DNAH6: variants seen among roughly 807,000 people sequenced by gnomAD.
The protein encoded by DNAH6 is axonemal beta dynein heavy chain 6.
In DNAH6, 340 loss-of-function variants were observed where a neutral mutation model predicts 491.4. That is an observed-to-expected ratio of 0.69 (90% confidence interval 0.63 to 0.76). The LOEUF (loss-of-function observed/expected upper bound fraction) is 0.76, where lower values mean the gene tolerates loss of function less well. Among genes scored for constraint, DNAH6 ranks in the 30% least tolerant of loss-of-function variants. DNAH6 has a pLI of 0.00. For synonymous variants in DNAH6, 1,603 were observed against 1,686.1 expected, an observed-to-expected ratio of 0.95 and a Z score of 1.21; for missense variants, 4,443 against 4,972.2, an observed-to-expected ratio of 0.89 and a Z score of 3.20.
chr2:84,552,359 A>C (rs769606207), intron 9 of DNAH6, among the ~76,000 whole-genome samples: 28 of 152,170 alleles, frequency 1.8e-4, no homozygotes, highest in Non-Finnish European at 3.1e-4. Context: ...TTGGTGTGGA[A>C]ATTACACAAA....
chr2:84,663,110 G>A (rs1366532293), intron 37 of DNAH6, among the ~76,000 whole-genome samples: 1 of 152,090 alleles, frequency 6.6e-6, no homozygotes, highest in Admixed American at 6.5e-5. Flanking sequence ...AAAGACCAAA[G>A]GTAGATAAAA....
At chr2:84,591,605 C>A (rs1225187799) in intron 16 of DNAH6, among the ~76,000 whole-genome samples, 1 of 152,128 alleles carries the variant, frequency 6.6e-6, no homozygotes, top group Non-Finnish European at 1.5e-5. Context: ...ATATTAAAAA[C>A]AAATTCTAAA....
At chr2:84,670,262 A>G (rs1573430013) in intron 38 of DNAH6, 66 bp from the exon 39 acceptor site, 1 of 1,144,112 alleles carries the variant, frequency 8.7e-7, no homozygotes, top group Admixed American at 2.8e-5. Context: ...ATTGTGCCAA[A>G]CTATTACAGA....
intron 40 of DNAH6, among the ~76,000 whole-genome samples, chr2:84,673,564 T>A (rs1343761306): frequency 6.6e-6 from 1 of 152,218 alleles, no homozygotes; most frequent in East Asian, 1.9e-4. Flanking sequence ...AGGGAGTTTA[T>A]TAAGTATTAA....
chr2:84,813,541 T>C (rs2105342671), intron 74 of DNAH6, among the ~76,000 whole-genome samples: 1 of 152,310 alleles, frequency 6.6e-6, no homozygotes, highest in Non-Finnish European at 1.5e-5. Context: ...CTAGAGAGCC[T>C]CAGAGGGGGC....
chr2:84,493,160 G>A, the DNAH6 span, among the ~76,000 whole-genome samples: 2 of 152,126 alleles, frequency 1.3e-5, no homozygotes, highest in Non-Finnish European at 2.9e-5. Flanking sequence ...AACACAGGTA[G>A]AAGTCTGGAT....
intron 16 of DNAH6, among the ~76,000 whole-genome samples, chr2:84,593,230 C>A (rs1274764256): frequency 1.3e-5 from 2 of 152,190 alleles, no homozygotes; most frequent in African/African-American, 2.4e-5. Flanking sequence ...TGTCTCTGAT[C>A]TAGCCTTCCT....
At chr2:84,499,933 C>T in the DNAH6 span, among the ~76,000 whole-genome samples, 2 of 150,610 alleles carry the variant, frequency 1.3e-5, no homozygotes, top group South Asian at 2.1e-4. Context: ...TTATATATTC[C>T]GGTTAGTAAT....
chr2:84,768,515 A>G (rs78169976), intron 64 of DNAH6, among the ~76,000 whole-genome samples: 3,823 of 152,164 alleles, frequency 0.025, 57 homozygotes, highest in Middle Eastern at 0.086. Flanking sequence ...AAAATTGATA[A>G]GCATAAATAG....
intron 59 of DNAH6, among the ~76,000 whole-genome samples, chr2:84,721,804 A>C (rs1299678355): frequency 6.6e-6 from 1 of 152,236 alleles, no homozygotes; most frequent in Non-Finnish European, 1.5e-5. Flanking sequence ...AATACTGAGC[A>C]GTCAGTTCCC....
intron 18 of DNAH6, among the ~76,000 whole-genome samples, chr2:84,601,493 G>C (rs1180255946): frequency 1.3e-5 from 2 of 151,922 alleles, no homozygotes; most frequent in East Asian, 3.9e-4. Context: ...AAGATTCCTT[G>C]TTCTAACATT....
At chr2:84,715,825 G>A (rs529092315) in intron 58 of DNAH6, among the ~76,000 whole-genome samples, 198 bp downstream of exon 58, 30 of 152,126 alleles carry the variant, frequency 2.0e-4, no homozygotes, top group African/African-American at 7.2e-4. Context: ...CTTGTCTACC[G>A]TCTTCTCAAG....
At chr2:84,489,530 C>T in the DNAH6 span, among the ~76,000 whole-genome samples, 1 of 152,264 alleles carries the variant, frequency 6.6e-6, no homozygotes, top group African/African-American at 2.4e-5. Flanking sequence ...CAAGCGATAT[C>T]TTCACATACT....
At chr2:84,528,652 AGAG>A (rs140055073) in intron 3 of DNAH6, among the ~76,000 whole-genome samples, 3,662 of 152,208 alleles carry the variant, frequency 0.024, 68 homozygotes, top group Middle Eastern at 0.037. Flanking sequence ...GAGTTAAAGG[AGAG>A]GAGAAGGCAA....
chr2:84,465,738 C>T, the DNAH6 span, among the ~76,000 whole-genome samples: 8 of 152,128 alleles, frequency 5.3e-5, no homozygotes, highest in African/African-American at 1.4e-4. Flanking sequence ...ATTACCCAAC[C>T]CTCTTGTTTC....
intron 5 of DNAH6, among the ~76,000 whole-genome samples, 163 bp downstream of exon 5, chr2:84,544,663 A>G (rs1304285956): frequency 6.6e-6 from 1 of 152,194 alleles, no homozygotes; most frequent in Non-Finnish European, 1.5e-5. Flanking sequence ...CTAGCAATCT[A>G]GGGGTGTTTC....
chr2:84,584,414 T>C lies in DNAH6; in HGVS notation c.2481+164T>C, dbSNP rs1683337223. On this transcript the variant is annotated intron_variant, in intron 15 of 76. Coordinates refer to ENST00000389394, the MANE Select transcript of DNAH6 (RefSeq NM_001370.2). ...TGAAATTGTTAATCAAGCTAATTAA[T>C]GTGTCCATCACGTCACATACATCAT... 5.5e-6 allele frequency: 4 copies of C among 727,344 alleles called. No individual in the cohort carries two copies. The South Asian group carries it at 7.9e-5, about 14-fold the overall frequency. 45.1% of individuals were successfully genotyped at this position (727,344 alleles called of 1,614,324 possible).
chr2:84,535,055 T>A (rs978233740), intron 4 of DNAH6, among the ~76,000 whole-genome samples: 1 of 151,952 alleles, frequency 6.6e-6, no homozygotes, highest in African/African-American at 2.4e-5. Context: ...TTTATTTTTT[T>A]AATTTTATAA....
intron 16 of DNAH6, among the ~76,000 whole-genome samples, chr2:84,591,356 A>G (rs1355604165): frequency 1.3e-5 from 2 of 152,228 alleles, no homozygotes; most frequent in East Asian, 3.8e-4. Flanking sequence ...CATAAAAAAT[A>G]TCATGCCATT....
Sources: gnomAD v4.1 joint callset for allele counts (sites outside exome capture counted in the v4.1 genomes callset) on GRCh38, gnomAD v4.1.1 for gene constraint, MANE v1.5 for transcripts, NCBI Gene and HGNC (gene_info 2026-07-23, HGNC 2026-07-21) for gene names.